The following IL1RN variants were observed in gnomAD, a reference collection of about 807,000 sequenced individuals.
IL1RN encodes interleukin 1 receptor antagonist.
Under a neutral mutation model 13.7 loss-of-function variants are expected in IL1RN, and 10 were observed. The observed-to-expected ratio is 0.73, with a 90% confidence interval of 0.45 to 1.24. The LOEUF (loss-of-function observed/expected upper bound fraction) is 1.24. Ranked by LOEUF, IL1RN falls within the 50% of genes most tolerant of loss-of-function variation. The pLI is 0.00. For synonymous variants in IL1RN, 102 were observed against 82.7 expected (o/e 1.23, Z -1.27); for missense variants, 213 against 222.1 (o/e 0.96, Z 0.26).
intron 1 of IL1RN, among the ~76,000 whole-genome samples, chr2:113,128,076 A>G (rs1158031769): frequency 1.3e-5 from 2 of 152,234 alleles, no homozygotes; most frequent in Admixed American, 1.3e-4. Flanking sequence ...CCAGGGGCAC[A>G]GCCCGAAGGC....
upstream of IL1RN, among the ~76,000 whole-genome samples, chr2:113,124,595 C>T (rs559664432): frequency 6.6e-6 from 1 of 152,272 alleles, no homozygotes; most frequent in East Asian, 1.9e-4. Flanking sequence ...GGTAAAGAAG[C>T]ATATGCAAAA....
chr2:113,127,055 C>T (rs547947842), upstream of IL1RN, among the ~76,000 whole-genome samples: 116 of 152,338 alleles, frequency 7.6e-4, no homozygotes, highest in African/African-American at 2.7e-3. Context: ...GGATTGCCAA[C>T]GTCCTTTTGT....
intron 2 of IL1RN, among the ~76,000 whole-genome samples, chr2:113,120,653 G>C (rs567871915): frequency 6.6e-6 from 1 of 152,278 alleles, no homozygotes; most frequent in South Asian, 2.1e-4. Flanking sequence ...ACCAGGTAAA[G>C]AGCTTTCCCT....
At chr2:113,129,510 A>G in intron 1 of IL1RN, 66 bp from the exon 2 acceptor site, 2 of 970,658 alleles carry the variant, frequency 2.1e-6, no homozygotes, top group Non-Finnish European at 1.7e-6. Context: ...GGACACAGGA[A>G]GGTGCCAAGC....
upstream of IL1RN, among the ~76,000 whole-genome samples, chr2:113,116,561 G>A (rs1329268230): frequency 6.6e-6 from 1 of 152,110 alleles, no homozygotes; most frequent in African/African-American, 2.4e-5. Context: ...GGCCCTGTGA[G>A]TTGAATGAAG....
chr2:113,119,963 T>C (rs1573288143), intron 1 of IL1RN: 3 of 889,778 alleles, frequency 3.4e-6, no homozygotes. Flanking sequence ...AGGATAGAGA[T>C]GGAACCATGT....
chr2:113,127,004 A>G (rs1686984734), upstream of IL1RN, among the ~76,000 whole-genome samples: 1 of 152,232 alleles, frequency 6.6e-6, no homozygotes, highest in African/African-American at 2.4e-5. Context: ...CGCTTTTGCA[A>G]AGAAAGTTGT....
upstream of IL1RN, among the ~76,000 whole-genome samples, chr2:113,110,410 A>C (rs890013596): frequency 4.6e-5 from 7 of 152,196 alleles, no homozygotes; most frequent in Non-Finnish European, 1.0e-4. Context: ...GATCAATCAC[A>C]TCAGGTTCTT....
intron 1 of IL1RN, among the ~76,000 whole-genome samples, chr2:113,112,755 T>C (rs956535264): frequency 6.6e-6 from 1 of 152,232 alleles, no homozygotes; most frequent in Non-Finnish European, 1.5e-5. Flanking sequence ...TATATTATGC[T>C]GTAATGTAGT....
chr2:113,127,242 A>G (rs1686993628), upstream of IL1RN, among the ~76,000 whole-genome samples: 2 of 152,200 alleles, frequency 1.3e-5, no homozygotes, highest in Non-Finnish European at 2.9e-5. Flanking sequence ...TTTTATTATG[A>G]AAAAACGGCC....
At chr2:113,111,935 T>C (rs1168871014) in intron 1 of IL1RN, among the ~76,000 whole-genome samples, 1 of 152,266 alleles carries the variant, frequency 6.6e-6, no homozygotes, top group Non-Finnish European at 1.5e-5. Context: ...TTCATGGCCT[T>C]GGCCCCACCC....
chr2:113,133,189 C>A lies in IL1RN; in HGVS notation c.*318C>A, dbSNP rs2104463578. The A allele has an allele frequency of 4.6e-6, 2 of 432,684 alleles. No homozygotes were observed. The highest frequency in any genetic ancestry group is 1.0e-4 in the East Asian group (2 of 19,924). 26.8% of individuals were successfully genotyped at this position (432,684 alleles called of 1,614,324 possible). On this transcript the variant is annotated 3_prime_UTR_variant, in exon 4 of 4. Transcript: ENST00000409930. Reference sequence around the variant, plus strand: ...CCAACCTGCTCTCCTCTTGCCACTGCCTCTTCCTCCCTCATTCCACCTTCC... The same window carrying A: ...CCAACCTGCTCTCCTCTTGCCACTGACTCTTCCTCCCTCATTCCACCTTCC...
chr2:113,129,151 C>T (rs909369660), intron 1 of IL1RN, among the ~76,000 whole-genome samples: 1 of 152,152 alleles, frequency 6.6e-6, no homozygotes, highest in African/African-American at 2.4e-5. Flanking sequence ...ATTTAAAATC[C>T]AGACCCTTGG....
At chr2:113,126,372 T>A (rs1405341122), upstream of IL1RN, among the ~76,000 whole-genome samples, 2 of 152,196 alleles carry the variant, frequency 1.3e-5, no homozygotes, top group Admixed American at 1.3e-4. Flanking sequence ...CTTGGACAGA[T>A]CCCTTTTTTG....
chr2:113,128,682 C>A (rs549948861), intron 1 of IL1RN, among the ~76,000 whole-genome samples: 4 of 152,174 alleles, frequency 2.6e-5, no homozygotes, highest in African/African-American at 9.7e-5. Context: ...ATGCAAAGCA[C>A]TTTGGTTTGC....
upstream of IL1RN, among the ~76,000 whole-genome samples, chr2:113,104,648 T>G (rs191713869): frequency 1.3e-5 from 2 of 152,326 alleles, no homozygotes; most frequent in East Asian, 3.9e-4. Flanking sequence ...GCTGAGCAAG[T>G]AGTCAAAGAC....
upstream of IL1RN, among the ~76,000 whole-genome samples, chr2:113,107,610 G>A (rs188429381): frequency 1.1e-3 from 160 of 151,200 alleles, no homozygotes; most frequent in African/African-American, 3.7e-3. Flanking sequence ...GTGTGCACCT[G>A]TAATCCCAGC....
chr2:113,117,157 G>A (rs900501802), upstream of IL1RN, among the ~76,000 whole-genome samples: 3 of 152,248 alleles, frequency 2.0e-5, no homozygotes, highest in Non-Finnish European at 4.4e-5. Context: ...AACATCAGGT[G>A]CTTCTAGAGA....
At chr2:113,120,340 C>CTATGTATGTATG (rs4251988) in intron 2 of IL1RN, among the ~76,000 whole-genome samples, 7 of 151,606 alleles carry the variant, frequency 4.6e-5, no homozygotes, top group South Asian at 2.1e-4. Flanking sequence ...TGTGATTGCT[C>CTATGTATGTATG]TATGTATGTA....
Sources: gnomAD v4.1 joint callset for allele counts (sites outside exome capture counted in the v4.1 genomes callset) on GRCh38, gnomAD v4.1.1 for gene constraint, MANE v1.5 for transcripts, NCBI Gene and HGNC (gene_info 2026-07-23, HGNC 2026-07-21) for gene names.